HOXD3: variants seen among roughly 807,000 people sequenced by gnomAD.
HOXD3 encodes the protein homeobox D3.
A neutral mutation model predicts 32.8 loss-of-function variants in HOXD3; 13 were observed. The observed-to-expected ratio is 0.40, with a 90% confidence interval of 0.26 to 0.63. The LOEUF is 0.63. Among genes scored for constraint, HOXD3 ranks in the 20% least tolerant of loss-of-function variants. The pLI, the probability that HOXD3 is intolerant of heterozygous loss-of-function variation, is 0.44. For missense variants in HOXD3, 504 were observed against 577.1 expected (o/e 0.87, Z 1.30); for synonymous variants, 241 against 246.8 (o/e 0.98, Z 0.22).
chr2:176,152,612 CCCCAACTACACCGGTGGGGAA>C, upstream of HOXD3: 1 of 1,613,832 alleles, frequency 6.2e-7, no homozygotes, highest in Non-Finnish European at 8.5e-7. The surrounding 1 kb of genome is among the most constrained non-coding windows in gnomAD (Gnocchi z 5.2). Flanking sequence ...TCGCAGTGAA[CCCCAACTACACCGGTGGGGAA>C]CCCAAGCGGT....
rs1346039870 is a variant in HOXD3 at position 176,171,845 on chromosome 2, C to G, written c.870C>G (p.Pro290=). The change falls in exon 4 of 4, where the codon CCC becomes CCG. Residue 290 remains proline (P), a synonymous_variant. Transcript: ENST00000683222. Reference sequence around the variant, plus strand: ...ACTCCGGCCAGCTGCCGCCAGTGCCCGGCCTGGCCTACGACGCGCCCTCGC... The same window carrying G: ...ACTCCGGCCAGCTGCCGCCAGTGCCGGGCCTGGCCTACGACGCGCCCTCGC... ...VAYSGQLPPV[P]GLAYDAPSPP... 6.2e-7 allele frequency: 1 copy of G among 1,605,542 alleles called. No individual in the cohort carries two copies. The highest frequency in any genetic ancestry group is 8.5e-7 in the Non-Finnish European group (1 of 1,175,950).
chr2:176,166,123 T>C (rs900637844), intron 2 of HOXD3, among the ~76,000 whole-genome samples: 11 of 152,164 alleles, frequency 7.2e-5, no homozygotes, highest in African/African-American at 2.2e-4. Context: ...TGGATTGTCA[T>C]TGAGTGGGAA....
At chr2:176,153,524 T>A (rs190041090), upstream of HOXD3, among the ~76,000 whole-genome samples, 42 of 152,298 alleles carry the variant, frequency 2.8e-4, no homozygotes, top group African/African-American at 9.6e-4. Flanking sequence ...TAAAAATGGG[T>A]TATTTTATGT....
chr2:176,166,520 C>A (rs1690975469), intron 2 of HOXD3, among the ~76,000 whole-genome samples: 1 of 152,188 alleles, frequency 6.6e-6, no homozygotes, highest in Non-Finnish European at 1.5e-5. Context: ...ATCCAGAGTG[C>A]CTCTTTCTTC....
At chr2:176,155,744 TC>T (rs1392386864), upstream of HOXD3, among the ~76,000 whole-genome samples, 2 of 152,324 alleles carry the variant, frequency 1.3e-5, no homozygotes, top group African/African-American at 4.8e-5. Flanking sequence ...TCCAGTTTGT[TC>T]CTTTAAATAT....
upstream of HOXD3, among the ~76,000 whole-genome samples, chr2:176,154,401 T>C (rs1690603532): frequency 6.6e-6 from 1 of 152,004 alleles, no homozygotes; most frequent in South Asian, 2.1e-4. Context: ...GTTCATATAC[T>C]CAGATGAAAC....
upstream of HOXD3, among the ~76,000 whole-genome samples, chr2:176,153,673 A>ACT (rs1559134708): frequency 6.6e-6 from 1 of 151,856 alleles, no homozygotes; most frequent in Non-Finnish European, 1.5e-5. Flanking sequence ...TTACTTCTGA[A>ACT]CTCCACCCCT....
At chr2:176,154,435 C>G (rs1422531693), upstream of HOXD3, among the ~76,000 whole-genome samples, 2 of 151,696 alleles carry the variant, frequency 1.3e-5, no homozygotes, top group Non-Finnish European at 2.9e-5. Context: ...GCCTCAGGCT[C>G]CAAAAAAGGT....
At chr2:176,156,050 TAA>T (rs1690638347), upstream of HOXD3, among the ~76,000 whole-genome samples, 1 of 152,220 alleles carries the variant, frequency 6.6e-6, no homozygotes, top group Non-Finnish European at 1.5e-5. Context: ...GATCTATATT[TAA>T]AATAATAAAA....
rs1452246679 is a variant in HOXD3 at position 176,171,760 on chromosome 2, C to G, written c.785C>G (p.Pro262Arg). 1 of 1,613,680 alleles carries G rather than the reference C, an allele frequency of 6.2e-7. No homozygotes were observed. Among genetic ancestry groups the G allele is most frequent in the South Asian group, 1.1e-5 (1 of 91,082 alleles). The change falls in exon 4 of 4, where the codon CCG becomes CGG. Residue 262 changes from proline (P) to arginine (R), a missense_variant. Pro to Arg is a moderately radical substitution (Grantham distance 103, BLOSUM62 -2). Transcript: ENST00000683222. ...AAGGCCAAGGGCATCCTGCACTCGCCGGCTAGCCAGTCCCCTGAGCGCAGC... is the reference window on the plus strand; with the variant it reads ...AAGGCCAAGGGCATCCTGCACTCGCGGGCTAGCCAGTCCCCTGAGCGCAGC... Reference protein sequence around the residue: ...DQKAKGILHSPASQSPERSPP... With the variant: ...DQKAKGILHSRASQSPERSPP...
At position 176,171,814 on chromosome 2, in the gene HOXD3, T is replaced by C; in HGVS notation, c.839T>C (p.Val280Ala). ...SPPLGGAAGH[V>A]AYSGQLPPVP... Reference sequence around the variant, plus strand: ...CCGCTCGGCGGCGCCGCTGGCCACGTGGCCTACTCCGGCCAGCTGCCGCCA... The same window carrying C: ...CCGCTCGGCGGCGCCGCTGGCCACGCGGCCTACTCCGGCCAGCTGCCGCCA... Residue 280 changes from valine to alanine, a missense_variant, in exon 4 of 4, where the codon GTG (valine) becomes GCG (alanine). This residue lies in a region of HOXD3 where 226 missense variants were observed against 246.9 expected (regional missense o/e 0.92). Transcript: ENST00000683222. The C allele has an allele frequency of 6.2e-7, 1 of 1,610,906 alleles. No individual in the cohort carries two copies. The highest frequency in any genetic ancestry group is 1.7e-4 in the Middle Eastern group (1 of 6,042).
chr2:176,157,586 G>A (rs1690675842), intron 1 of HOXD3, among the ~76,000 whole-genome samples, 134 bp downstream of exon 1: 1 of 152,162 alleles, frequency 6.6e-6, no homozygotes, highest in Admixed American at 6.5e-5. Flanking sequence ...TAGTGGCTTG[G>A]ATGGTGACCT....
chr2:176,172,343 G>C lies in HOXD3; in HGVS notation c.*69G>C, dbSNP rs1342946202. ...CTGTAGTGGTGGGGTAGAGGGTGGG[G>C]CCCGCGGGGCAGTTCGGGAACCCCC... is the stretch of plus-strand genomic sequence containing the variant. On this transcript the variant is annotated 3_prime_UTR_variant, in exon 4 of 4. Coordinates refer to ENST00000683222, the MANE Select transcript of HOXD3 (RefSeq NM_006898.5). 7.1e-7 allele frequency: 1 copy of C among 1,416,986 alleles called. No homozygotes were observed. Among genetic ancestry groups the C allele is most frequent in the Non-Finnish European group, 9.5e-7 (1 of 1,057,820 alleles). 87.8% of individuals were successfully genotyped at this position (1,416,986 alleles called of 1,614,324 possible).
At position 176,169,355 on chromosome 2, in the gene HOXD3, C is replaced by T. The variant is rs1691098716; in HGVS notation, c.241C>T (p.His81Tyr). The change falls in exon 3 of 4, where the codon CAC becomes TAC. Residue 81 changes from histidine to tyrosine, a missense_variant. This residue lies in a region of HOXD3 where 181 missense variants were observed against 172.2 expected (regional missense o/e 1.05). Coordinates refer to ENST00000683222, the MANE Select transcript of HOXD3 (RefSeq NM_006898.5). Reference sequence around the variant, plus strand: ...CTCTGCCCCTCTGAGAGCCCCAGCCCACAAAGGAGCTGAACTCAATGGCAG... The same window carrying T: ...CTCTGCCCCTCTGAGAGCCCCAGCCTACAAAGGAGCTGAACTCAATGGCAG... The part of the protein sequence containing the change: ...QSSAPLRAPA[H>Y]KGAELNGSCM... 6.2e-7 allele frequency: 1 copy of T among 1,613,972 alleles called. No homozygotes were observed. The highest frequency in any genetic ancestry group is 1.3e-5 in the African/African-American group (1 of 74,882).
intron 1 of HOXD3, among the ~76,000 whole-genome samples, chr2:176,159,972 C>T (rs982209120): frequency 7.9e-5 from 12 of 152,228 alleles, no homozygotes; most frequent in African/African-American, 2.9e-4. Flanking sequence ...GGGGAGGTCG[C>T]TCTGGGTCCG....
chr2:176,162,725 C>A (rs1022670967), intron 1 of HOXD3, among the ~76,000 whole-genome samples: 4 of 152,186 alleles, frequency 2.6e-5, no homozygotes, highest in African/African-American at 7.2e-5. Context: ...AACCCCCAGG[C>A]GCAAACTTAC....
intron 2 of HOXD3, 92 bp from the exon 3 acceptor site, chr2:176,168,939 G>T (rs1691082452): frequency 5.4e-6 from 5 of 923,096 alleles, no homozygotes; most frequent in Non-Finnish European, 7.8e-6. Context: ...CCGTGAAGTG[G>T]GTAGGAAGCA....
At chr2:176,160,044 G>T (rs570719440) in intron 1 of HOXD3, among the ~76,000 whole-genome samples, 8 of 152,352 alleles carry the variant, frequency 5.3e-5, no homozygotes, top group African/African-American at 1.9e-4. Context: ...CTGAGTCCGC[G>T]GAACGAGCCA....
chr2:176,153,603 A>C (rs1690588969), upstream of HOXD3, among the ~76,000 whole-genome samples: 1 of 152,204 alleles, frequency 6.6e-6, no homozygotes. Context: ...CTTCATGCCA[A>C]AAATCTTAAA....
Sources: gnomAD v4.1 joint callset for allele counts (sites outside exome capture counted in the v4.1 genomes callset) on GRCh38, gnomAD v4.1.1 for gene constraint, gnomAD v4.1.1 regional missense constraint, Gnocchi (gnomAD v3.1) non-coding constraint, MANE v1.5 for transcripts, NCBI Gene and HGNC (gene_info 2026-07-23, HGNC 2026-07-21) for gene names.